The following KCNIP4 variants were observed in gnomAD, a reference collection of about 807,000 sequenced individuals.
KCNIP4 encodes potassium voltage-gated channel interacting protein 4.
Under a neutral mutation model 34.0 loss-of-function variants are expected in KCNIP4, and 12 were observed. That is an observed-to-expected ratio of 0.35 (90% CI 0.23 to 0.57). The LOEUF (loss-of-function observed/expected upper bound fraction) is 0.57. Ranked by LOEUF, KCNIP4 falls within the 20% of genes least tolerant of loss-of-function variation. The pLI is 0.83. For synonymous variants in KCNIP4, 124 were observed against 102.2 expected, an observed-to-expected ratio of 1.21 and a Z score of -1.29; for missense variants, 238 against 311.7, an observed-to-expected ratio of 0.76 and a Z score of 1.78.
intron 1 of KCNIP4, among the ~76,000 whole-genome samples, chr4:21,444,767 T>G (rs1318818253): frequency 1.3e-5 from 2 of 152,190 alleles, no homozygotes; most frequent in African/African-American, 4.8e-5. Flanking sequence ...TGTTGGAAGT[T>G]CTGGCCAGGG....
chr4:21,922,354 G>A (rs1728982584), intron 1 of KCNIP4, among the ~76,000 whole-genome samples: 1 of 152,102 alleles, frequency 6.6e-6, no homozygotes, highest in South Asian at 2.1e-4. Flanking sequence ...TCATTGCTGT[G>A]TGCCTGTTTC....
chr4:21,545,943 C>T (rs956099726), intron 1 of KCNIP4, among the ~76,000 whole-genome samples: 12 of 152,048 alleles, frequency 7.9e-5, no homozygotes, highest in African/African-American at 2.4e-4. Flanking sequence ...GTTCTAGATC[C>T]TTCAGGAATT....
At chr4:21,469,573 TG>T (rs1166412604) in intron 1 of KCNIP4, among the ~76,000 whole-genome samples, 36 of 152,192 alleles carry the variant, frequency 2.4e-4, no homozygotes. Flanking sequence ...ACAAATAACT[TG>T]GGAAACAAAA....
At chr4:20,976,126 T>C (rs909634809) in intron 1 of KCNIP4, among the ~76,000 whole-genome samples, 1 of 152,146 alleles carries the variant, frequency 6.6e-6, no homozygotes, top group African/African-American at 2.4e-5. Context: ...ATACCATGGG[T>C]TTGGCCTTTC....
In KCNIP4 at chr4:21,687,202, G is replaced by T. The variant is rs1396949033; in HGVS notation, c.61+261369C>A. On this transcript the variant is annotated intron_variant, in intron 1 of 8. Coordinates refer to ENST00000382152, the MANE Select transcript of KCNIP4 (RefSeq NM_025221.6). The stretch of plus-strand genomic sequence containing the variant: ...GGGGAGGGGGGAGGGATAGCATTGG[G>T]AGATATACCTAATGCTAGATGACGC... Among the ~76,000 whole-genome samples the T allele has an allele frequency of 4.2e-5, 6 of 144,524 alleles. No individual in the cohort carries two copies. In the East Asian group the frequency reaches 1.3e-3, roughly 32 times the overall value. 94.8% of individuals were successfully genotyped at this position (144,524 alleles called of 152,430 possible).
In KCNIP4 at chr4:21,626,473, A is replaced by G. The variant is rs372700313; in HGVS notation, c.61+322098T>C. ...CAGCCACCTAGAAGGCAAGAGAAGA[A>G]GCTTCAGAATGAAACCTACCTTGCT... On this transcript the variant is annotated intron_variant, in intron 1 of 8. Coordinates refer to ENST00000382152, the MANE Select transcript of KCNIP4 (RefSeq NM_025221.6). Among the ~76,000 whole-genome samples, 262 of 152,024 alleles carry G rather than the reference A, an allele frequency of 1.7e-3. 10 individuals are homozygous for G. In the South Asian group the frequency reaches 0.048, roughly 28 times the overall value.
chr4:21,106,545 C>A (rs549681054), intron 1 of KCNIP4, among the ~76,000 whole-genome samples: 1 of 148,634 alleles, frequency 6.7e-6, no homozygotes, highest in Non-Finnish European at 1.5e-5. Flanking sequence ...TTTCACAAAA[C>A]CAGCTCCTGG....
At chr4:20,983,716 TTTTAC>T (rs1736314920) in intron 1 of KCNIP4, 2 of 1,005,154 alleles carry the variant, frequency 2.0e-6, no homozygotes, top group Non-Finnish European at 2.9e-6. Context: ...ATTTTAAAAC[TTTTAC>T]TTTGAGTATT....
chr4:21,773,277 G>C (rs1267138902), intron 1 of KCNIP4, among the ~76,000 whole-genome samples: 1 of 152,188 alleles, frequency 6.6e-6, no homozygotes, highest in African/African-American at 2.4e-5. Flanking sequence ...TGTGGTCTGA[G>C]AGACTGTTTG....
In KCNIP4 at chr4:21,923,777, C is replaced by T. The variant is rs182485975; in HGVS notation, c.61+24794G>A. Among the ~76,000 whole-genome samples the T allele has an allele frequency of 1.5e-3, 222 of 152,198 alleles. 1 individual carries two copies. Among genetic ancestry groups the T allele is most frequent in the African/African-American group, 5.2e-3 (214 of 41,516 alleles). On this transcript the variant is annotated intron_variant, in intron 1 of 8. Coordinates refer to ENST00000382152, the MANE Select transcript of KCNIP4 (RefSeq NM_025221.6). ...TGGCTATTTGCAGCTTTTTACAAAC[C>T]TCCTGGAATTGTTTAAATGTTCATG...
In KCNIP4 at chr4:21,771,955, C is replaced by T. The variant is rs192105901; in HGVS notation, c.61+176616G>A. On this transcript the variant is annotated intron_variant, in intron 1 of 8. Coordinates refer to ENST00000382152, the MANE Select transcript of KCNIP4 (RefSeq NM_025221.6). ...ATTGCCATGGCCAGAACTTCCAATA[C>T]TATGTTGAATAGGGGTGGTGACAGA... 8.8e-3 allele frequency among the ~76,000 whole-genome samples: 1,333 copies of T among 152,234 alleles called. 19 individuals carry two copies. Among genetic ancestry groups the T allele is most frequent in the South Asian group, 0.039 (186 of 4,818 alleles).
At chr4:21,370,800 AATATATATATATATATATATATATAT>A (rs1173506757) in intron 1 of KCNIP4, among the ~76,000 whole-genome samples, 791 of 17,984 alleles carry the variant, frequency 0.044, 149 homozygotes, top group African/African-American at 0.14. Context: ...CATGGATTGA[AATATATATATATATATATATATATAT>A]ATATATATAT....
intron 1 of KCNIP4, among the ~76,000 whole-genome samples, chr4:21,440,042 G>A (rs1441457737): frequency 7.9e-5 from 12 of 152,188 alleles, no homozygotes; most frequent in Admixed American, 7.2e-4. Context: ...TAAAAACCCA[G>A]TGAACTTGCT....
intron 3 of KCNIP4, among the ~76,000 whole-genome samples, chr4:20,768,071 C>T (rs1389234708): frequency 1.3e-5 from 2 of 152,190 alleles, no homozygotes; most frequent in Non-Finnish European, 2.9e-5. Flanking sequence ...TTAAATGACA[C>T]AATCCTACAA....
At chr4:21,225,146 C>A (rs1193453903) in intron 1 of KCNIP4, among the ~76,000 whole-genome samples, 1 of 152,052 alleles carries the variant, frequency 6.6e-6, no homozygotes, top group Non-Finnish European at 1.5e-5. Context: ...TTTTTTGGGG[C>A]ATAACCCTAT....
intron 1 of KCNIP4, among the ~76,000 whole-genome samples, chr4:21,247,895 A>G (rs1231061749): frequency 1.5e-5 from 2 of 131,770 alleles, no homozygotes; most frequent in African/African-American, 3.3e-5. Flanking sequence ...ACAGGTAGAT[A>G]TATATATATA....
chr4:20,884,859 C>G (rs1280997035), intron 1 of KCNIP4, among the ~76,000 whole-genome samples: 1 of 152,030 alleles, frequency 6.6e-6, no homozygotes, highest in African/African-American at 2.4e-5. Context: ...TGCCACCATG[C>G]CTGGCTAATT....
chr4:20,905,509 C>CTTTCTTTTTTTTTTTTTTTTTT (rs71655610), intron 1 of KCNIP4, among the ~76,000 whole-genome samples: 2 of 72,804 alleles, frequency 2.7e-5, no homozygotes, highest in Non-Finnish European at 5.5e-5. Flanking sequence ...CGTTTTCTTT[C>CTTTCTTTTTTTTTTTTTTTTTT]TTTTTTTTTT....
At chr4:21,112,187 T>G (rs558993514) in intron 1 of KCNIP4, among the ~76,000 whole-genome samples, 1 of 152,238 alleles carries the variant, frequency 6.6e-6, no homozygotes, top group East Asian at 1.9e-4. Context: ...ACTTGAAAGG[T>G]TAGCATGTAC....
Sources: allele counts gnomAD v4.1 joint callset (sites outside exome capture counted in the v4.1 genomes callset), GRCh38; gene constraint gnomAD v4.1.1; transcripts MANE v1.5; gene names NCBI Gene and HGNC (gene_info 2026-07-23, HGNC 2026-07-21).